The following RORA variants were observed in gnomAD, a reference collection of about 807,000 sequenced individuals.
RORA encodes the protein RAR related orphan receptor A, also known as nuclear receptor ROR-alpha.
Under a neutral mutation model 69.5 loss-of-function variants are expected in RORA, and 7 were observed. That is an observed-to-expected ratio of 0.10 (90% confidence interval 0.06 to 0.19). The LOEUF (loss-of-function observed/expected upper bound fraction) is 0.19, where lower values mean the gene tolerates loss of function less well. RORA is among the 10% of genes least tolerant of loss of function. RORA has a pLI of 1.00. For synonymous variants in RORA, 261 were observed against 240.8 expected, an observed-to-expected ratio of 1.08 and a Z score of -0.78; for missense variants, 457 against 663.0, an observed-to-expected ratio of 0.69 and a Z score of 3.41.
At chr15:60,573,609 C>T (rs2067945871) in intron 2 of RORA, among the ~76,000 whole-genome samples, 1 of 152,124 alleles carries the variant, frequency 6.6e-6, no homozygotes, top group Admixed American at 6.5e-5. Context: ...TAGTTCAGAC[C>T]CCACCGGTCT....
intron 1 of RORA, among the ~76,000 whole-genome samples, chr15:61,117,605 T>C (rs1163067282): frequency 6.6e-6 from 1 of 152,222 alleles, no homozygotes; most frequent in South Asian, 2.1e-4. Flanking sequence ...TAGAATTGTT[T>C]TGACTGCTAA....
chr15:61,184,771 G>A (rs1008415035), intron 1 of RORA, among the ~76,000 whole-genome samples: 2 of 151,916 alleles, frequency 1.3e-5, no homozygotes, highest in African/African-American at 2.4e-5. Context: ...AATTACTTGA[G>A]GCCAGATTGT....
At chr15:60,970,784 G>A (rs999575532) in intron 1 of RORA, among the ~76,000 whole-genome samples, 1 of 152,156 alleles carries the variant, frequency 6.6e-6, no homozygotes, top group South Asian at 2.1e-4. Context: ...TTTCCTTGAC[G>A]ATCACAGAGA....
chr15:61,215,305 C>G (rs2080030847), intron 1 of RORA, among the ~76,000 whole-genome samples: 1 of 152,122 alleles, frequency 6.6e-6, no homozygotes, highest in African/African-American at 2.4e-5. Context: ...GTGCCTCTAT[C>G]TTTCTGCTGT....
intron 1 of RORA, among the ~76,000 whole-genome samples, chr15:61,063,029 A>G (rs1329492755): frequency 6.6e-6 from 1 of 152,256 alleles, no homozygotes; most frequent in Non-Finnish European, 1.5e-5. Context: ...TAAGGCATGA[A>G]GAGTGGGAAC....
intron 1 of RORA, among the ~76,000 whole-genome samples, chr15:60,739,432 C>T (rs780821321): frequency 1.3e-5 from 2 of 151,972 alleles, no homozygotes; most frequent in South Asian, 2.1e-4. Flanking sequence ...ATTAGCCAGG[C>T]GTGGTGGTGT....
intron 1 of RORA, among the ~76,000 whole-genome samples, chr15:60,875,570 T>G (rs1474419064): frequency 3.3e-5 from 5 of 152,298 alleles, no homozygotes; most frequent in South Asian, 4.1e-4. Context: ...CAGGACTCAC[T>G]CAGTTCAATA....
At chr15:60,751,034 G>A (rs2071716109) in intron 1 of RORA, among the ~76,000 whole-genome samples, 1 of 152,208 alleles carries the variant, frequency 6.6e-6, no homozygotes, top group Admixed American at 6.5e-5. Flanking sequence ...GAGGAGAGCA[G>A]GGAAGAAAGG....
At chr15:60,758,223 C>T (rs1474203742) in intron 1 of RORA, among the ~76,000 whole-genome samples, 1 of 152,168 alleles carries the variant, frequency 6.6e-6, no homozygotes, top group Non-Finnish European at 1.5e-5. Flanking sequence ...AGTAATTCTC[C>T]ATGCTACAAT....
chr15:60,714,673 C>G (rs1038841781), intron 1 of RORA, among the ~76,000 whole-genome samples: 2 of 152,114 alleles, frequency 1.3e-5, no homozygotes, highest in Middle Eastern at 3.2e-3. Flanking sequence ...TCAATTATCT[C>G]TTTTAAAGAA....
intron 9 of RORA, among the ~76,000 whole-genome samples, 159 bp downstream of exon 9, chr15:60,500,800 G>A (rs1355404558): frequency 3.9e-5 from 6 of 152,206 alleles, no homozygotes; most frequent in Admixed American, 3.9e-4. Context: ...GTGGAAAAGA[G>A]AGGGTGTTAT....
chr15:60,814,894 T>C (rs1261926446), intron 1 of RORA, among the ~76,000 whole-genome samples: 2 of 152,174 alleles, frequency 1.3e-5, no homozygotes, highest in Admixed American at 1.3e-4. Flanking sequence ...TCCTCAACCC[T>C]GGGGTGAGGA....
At chr15:60,994,336 G>A (rs548289990) in intron 1 of RORA, among the ~76,000 whole-genome samples, 1 of 152,286 alleles carries the variant, frequency 6.6e-6, no homozygotes, top group South Asian at 2.1e-4. Context: ...CTCCTCAAAT[G>A]TAGTAGCTGT....
intron 1 of RORA, among the ~76,000 whole-genome samples, chr15:61,115,991 C>A (rs2140799393): frequency 6.6e-6 from 1 of 152,222 alleles, no homozygotes; most frequent in Non-Finnish European, 1.5e-5. Context: ...TGTCAAAGAT[C>A]CACCATTAGT....
chr15:61,223,335 A>AT (rs1555421811), intron 1 of RORA, among the ~76,000 whole-genome samples: 3 of 151,386 alleles, frequency 2.0e-5, no homozygotes, highest in Non-Finnish European at 4.4e-5. Flanking sequence ...AAAAAAAAAA[A>AT]ATGACTTTAC....
At chr15:61,058,963 A>G (rs1328752951) in intron 1 of RORA, among the ~76,000 whole-genome samples, 1 of 152,218 alleles carries the variant, frequency 6.6e-6, no homozygotes, top group Non-Finnish European at 1.5e-5. Flanking sequence ...TACGGTGATA[A>G]AGCATTTCCA....
intron 10 of RORA, among the ~76,000 whole-genome samples, chr15:60,498,750 T>C (rs2141252808): frequency 6.6e-6 from 1 of 152,016 alleles, no homozygotes; most frequent in East Asian, 1.9e-4. Flanking sequence ...GCTCCTCCCT[T>C]CCACTTCCCA....
chr15:60,699,533 C>T (rs1182774600), intron 1 of RORA, among the ~76,000 whole-genome samples: 1 of 152,176 alleles, frequency 6.6e-6, no homozygotes, highest in Non-Finnish European at 1.5e-5. Context: ...AAAACATTTA[C>T]ATGTAGAATC....
intron 1 of RORA, among the ~76,000 whole-genome samples, chr15:60,794,615 G>A (rs1567193698): frequency 6.6e-6 from 1 of 152,208 alleles, no homozygotes; most frequent in Non-Finnish European, 1.5e-5. Context: ...AGCTAACTGA[G>A]TCCCCAATAT....
Sources: gnomAD v4.1 joint callset for allele counts (sites outside exome capture counted in the v4.1 genomes callset) on GRCh38, gnomAD v4.1.1 for gene constraint, MANE v1.5 for transcripts, NCBI Gene and HGNC (gene_info 2026-07-23, HGNC 2026-07-21) for gene names.